The following MITF variants were observed in gnomAD, a reference collection of about 807,000 sequenced individuals.
The protein encoded by MITF is microphthalmia-associated transcription factor.
In MITF, 17 loss-of-function variants were observed where a neutral mutation model predicts 60.5. That is an observed-to-expected ratio of 0.28 (90% CI 0.19 to 0.42). The LOEUF is 0.42. MITF is among the 10% of genes least tolerant of loss of function. The pLI, the probability that MITF is intolerant of heterozygous loss-of-function variation, is 1.00. For synonymous variants in MITF, 260 were observed against 248.5 expected (o/e 1.05, Z -0.43); for missense variants, 622 against 683.5 (o/e 0.91, Z 1.00).
At chr3:69,941,503 A>G (rs866519906) in intron 5 of MITF, among the ~76,000 whole-genome samples, 172 bp downstream of exon 5, 3 of 152,346 alleles carry the variant, frequency 2.0e-5, no homozygotes, top group South Asian at 4.1e-4. Flanking sequence ...TCAGAAATTA[A>G]GAAGTTTTTA....
chr3:69,930,802 A>G (rs952720464), intron 2 of MITF, among the ~76,000 whole-genome samples: 1 of 152,256 alleles, frequency 6.6e-6, no homozygotes, highest in Non-Finnish European at 1.5e-5. Flanking sequence ...CACACTCTGC[A>G]TTTAACAAGA....
chr3:69,893,915 C>A (rs535855045), intron 2 of MITF, among the ~76,000 whole-genome samples: 1 of 152,144 alleles, frequency 6.6e-6, no homozygotes, highest in Non-Finnish European at 1.5e-5. Flanking sequence ...TAATGATTGA[C>A]AGCCAAATTA....
intron 2 of MITF, among the ~76,000 whole-genome samples, chr3:69,882,618 G>A (rs920498277): frequency 2.6e-5 from 4 of 152,096 alleles, no homozygotes; most frequent in African/African-American, 9.7e-5. Context: ...CCACAAGTGG[G>A]TTTTGCTGAC....
At chr3:69,740,061 G>A (rs1703473101) in intron 1 of MITF, among the ~76,000 whole-genome samples, 1 of 152,186 alleles carries the variant, frequency 6.6e-6, no homozygotes, top group Admixed American at 6.5e-5. Flanking sequence ...TGTCCCGGTG[G>A]GATGGGGGAG....
At chr3:69,857,758 T>C (rs2063944544) in intron 1 of MITF, among the ~76,000 whole-genome samples, 1 of 152,184 alleles carries the variant, frequency 6.6e-6, no homozygotes, top group South Asian at 2.1e-4. Flanking sequence ...GATATATCAG[T>C]TATGCATCTT....
At chr3:69,758,765 A>G (rs1349418376) in intron 1 of MITF, 1 of 207,240 alleles carries the variant, frequency 4.8e-6, no homozygotes, top group African/African-American at 2.3e-5. Flanking sequence ...GGGTCAGTAA[A>G]TTTTGGAAAC....
chr3:69,835,441 G>A (rs1478857324), intron 1 of MITF, among the ~76,000 whole-genome samples: 1 of 152,112 alleles, frequency 6.6e-6, no homozygotes, highest in African/African-American at 2.4e-5. Flanking sequence ...TCTTCACTCT[G>A]TTAATTGTCT....
intron 6 of MITF, among the ~76,000 whole-genome samples, chr3:69,950,448 T>TTTTATATATATA: frequency 7.6e-6 from 1 of 130,786 alleles, no homozygotes; most frequent in African/African-American, 2.9e-5. Context: ...AACTTCTGAG[T>TTTTATATATATA]TATATATATA....
intron 1 of MITF, among the ~76,000 whole-genome samples, chr3:69,829,484 T>C (rs1392338460): frequency 6.6e-6 from 1 of 152,196 alleles, no homozygotes; most frequent in East Asian, 1.9e-4. Flanking sequence ...TCTAGATTGA[T>C]TCAGAAAAAG....
intron 1 of MITF, among the ~76,000 whole-genome samples, chr3:69,816,356 G>A (rs943717731): frequency 6.6e-6 from 1 of 152,092 alleles, no homozygotes; most frequent in Non-Finnish European, 1.5e-5. Context: ...TGCACCATCT[G>A]GAAAGTATTT....
At chr3:69,897,531 C>G (rs916011144) in intron 2 of MITF, among the ~76,000 whole-genome samples, 2 of 152,156 alleles carry the variant, frequency 1.3e-5, no homozygotes, top group Non-Finnish European at 2.9e-5. Flanking sequence ...TATTAGAATA[C>G]AGTCATGCTG....
intron 1 of MITF, among the ~76,000 whole-genome samples, chr3:69,869,339 A>T (rs2064178155): frequency 1.3e-5 from 2 of 152,170 alleles, no homozygotes; most frequent in African/African-American, 4.8e-5. Flanking sequence ...CTCATGGTTC[A>T]GGATGGCTTC....
Position 69,959,300 on chromosome 3 carries a change from CT to C in MITF, c.1061del (p.Leu354Ter). The C allele has an allele frequency of 6.2e-7, 1 of 1,614,116 alleles. No individual in the cohort carries two copies. Among genetic ancestry groups the C allele is most frequent in the Non-Finnish European group, 8.5e-7 (1 of 1,180,010 alleles). On this transcript the variant is annotated frameshift_variant, in exon 9 of 10. Transcript: ENST00000352241. LOFTEE classifies it high-confidence loss of function. ...ACATGCGCTGGAACAAGGGAACCAT[CT>C]TAAAAGCATCCGTGGACTATATCCG... Reference protein sequence around the residue: ...PDMRWNKGTILKASVDYIRKL... With the variant: ...PDMRWNKGTIXKASVDYIRKL...
rs142372494 is a variant in MITF, at chr3:69,965,147, G to A, written c.1480G>A (p.Gly494Ser). Reference protein sequence around the residue: ...ILMDDTLSPVGVTDPLLSSVS... With the variant: ...ILMDDTLSPVSVTDPLLSSVS... ...GATGGACGACACCCTTTCTCCCGTC[G>A]GTGTCACTGATCCACTCCTTTCCTC... is the stretch of plus-strand genomic sequence containing the variant. Residue 494 changes from glycine (G) to serine (S), a missense_variant, in exon 10 of 10, where the codon GGT (glycine) becomes AGT (serine). Transcript: ENST00000352241. 7.4e-6 allele frequency: 12 copies of A among 1,613,880 alleles called. No individual in the cohort carries two copies. Among genetic ancestry groups the A allele is most frequent in the African/African-American group, 2.7e-5 (2 of 74,864 alleles).
chr3:69,866,322 C>A (rs751594665), intron 1 of MITF: 1 of 1,613,854 alleles, frequency 6.2e-7, no homozygotes, highest in Non-Finnish European at 8.5e-7. Flanking sequence ...ATGTTCATGC[C>A]ATGCTCCTTT....
rs2064040331 is a variant in MITF at position 69,862,841 on chromosome 3, T to C, written c.105-16293T>C. The stretch of plus-strand genomic sequence containing the variant: ...TTAGGGCAAAGAGTAGTACTTATTA[T>C]TGCAGAAGCACTGGAGTACTGGTGA... On this transcript the variant is annotated intron_variant, in intron 1 of 9. Coordinates refer to ENST00000352241, the MANE Select transcript of MITF (RefSeq NM_001354604.2). Among the ~76,000 whole-genome samples, 4 of 152,212 alleles carry C rather than the reference T, an allele frequency of 2.6e-5. No homozygotes were observed. The South Asian group carries it at 8.3e-4, about 32-fold the overall frequency.
At chr3:69,771,323 AT>A (rs1394226349) in intron 1 of MITF, among the ~76,000 whole-genome samples, 4 of 152,184 alleles carry the variant, frequency 2.6e-5, no homozygotes, top group African/African-American at 9.6e-5. Context: ...CAGCAAAAGA[AT>A]TCCATGAGAA....
chr3:69,932,505 G>T (rs2065745971), intron 2 of MITF, among the ~76,000 whole-genome samples: 1 of 152,130 alleles, frequency 6.6e-6, no homozygotes, highest in Admixed American at 6.6e-5. Flanking sequence ...CACTGGGTTT[G>T]TCAACCATAG....
chr3:69,883,010 C>T (rs113638975), intron 2 of MITF, among the ~76,000 whole-genome samples: 2,535 of 152,222 alleles, frequency 0.017, 71 homozygotes, highest in African/African-American at 0.057. Context: ...CCCTCCCTTC[C>T]TTTCACCTTG....
Sources: allele counts gnomAD v4.1 joint callset (sites outside exome capture counted in the v4.1 genomes callset), GRCh38; gene constraint gnomAD v4.1.1; transcripts MANE v1.5; gene names NCBI Gene and HGNC (gene_info 2026-07-23, HGNC 2026-07-21).